VWA8: variants seen among roughly 807,000 people sequenced by gnomAD.
VWA8 encodes the protein von Willebrand factor A domain-containing protein 8.
VWA8 carries 221 observed loss-of-function variants against 241.5 expected under a neutral mutation model. The observed-to-expected ratio is 0.91, with a 90% CI of 0.82 to 1.02. The LOEUF (loss-of-function observed/expected upper bound fraction) is 1.02. Ranked by LOEUF, VWA8 falls within the 50% of genes least tolerant of loss-of-function variation. The pLI is 0.00. For synonymous variants in VWA8, 852 were observed against 827.1 expected, an observed-to-expected ratio of 1.03 and a Z score of -0.52; for missense variants, 2,322 against 2,328.7, an observed-to-expected ratio of 1.00 and a Z score of 0.06.
intron 12 of VWA8, among the ~76,000 whole-genome samples, chr13:41,833,751 TAA>T (rs1392067301): frequency 6.6e-6 from 1 of 152,144 alleles, no homozygotes. Context: ...CATAATATAG[TAA>T]GAGTGAGAGG....
intron 17 of VWA8, among the ~76,000 whole-genome samples, chr13:41,803,550 CT>C (rs1870053623): frequency 6.6e-6 from 1 of 152,154 alleles, no homozygotes; most frequent in South Asian, 2.1e-4. Flanking sequence ...TGCAGGGAAA[CT>C]CCCCTTTATA....
chr13:41,642,758 A>G (rs943839126), intron 37 of VWA8, among the ~76,000 whole-genome samples: 28 of 150,370 alleles, frequency 1.9e-4, no homozygotes, highest in East Asian at 1.4e-3. Flanking sequence ...GTGAAACCCC[A>G]TCTCTACTAA....
chr13:41,701,321 G>A, intron 28 of VWA8, 71 bp downstream of exon 28: 1 of 1,466,838 alleles, frequency 6.8e-7, no homozygotes, highest in South Asian at 1.5e-5. Context: ...TTGATGTCTA[G>A]AGATTATTTT....
At chr13:41,575,034 G>A (rs2044341815) in intron 43 of VWA8, among the ~76,000 whole-genome samples, 1 of 152,128 alleles carries the variant, frequency 6.6e-6, no homozygotes, top group South Asian at 2.1e-4. Flanking sequence ...ATCAACCAAT[G>A]AGTGATAAAG....
chr13:41,738,244 G>C (rs1370543852), intron 21 of VWA8, among the ~76,000 whole-genome samples: 1 of 152,082 alleles, frequency 6.6e-6, no homozygotes, highest in African/African-American at 2.4e-5. Context: ...TGTTTATTTA[G>C]TAGTCAATCA....
At chr13:41,786,021 C>CA (rs1339656961) in intron 18 of VWA8, among the ~76,000 whole-genome samples, 2 of 152,076 alleles carry the variant, frequency 1.3e-5, no homozygotes, top group East Asian at 3.9e-4. Context: ...GAAATGCACT[C>CA]AGAGAATGGT....
intron 2 of VWA8, among the ~76,000 whole-genome samples, chr13:41,928,483 C>G (rs1876951147): frequency 6.6e-6 from 1 of 152,022 alleles, no homozygotes; most frequent in Non-Finnish European, 1.5e-5. Flanking sequence ...AATGAAACAA[C>G]ATGCTCTTGA....
intron 39 of VWA8, among the ~76,000 whole-genome samples, chr13:41,611,255 G>A (rs1395130645): frequency 6.6e-6 from 1 of 152,078 alleles, no homozygotes; most frequent in Non-Finnish European, 1.5e-5. Context: ...TCCTGTCTCC[G>A]CACTAATCTG....
intron 2 of VWA8, among the ~76,000 whole-genome samples, chr13:41,925,421 A>G (rs368897755): frequency 1.3e-5 from 2 of 152,252 alleles, no homozygotes; most frequent in Non-Finnish European, 2.9e-5. Flanking sequence ...TTAAAAGTCA[A>G]TTCAGTCAAA....
chr13:41,878,619 A>G (rs1182014747), intron 9 of VWA8, among the ~76,000 whole-genome samples: 1 of 152,156 alleles, frequency 6.6e-6, no homozygotes, highest in Non-Finnish European at 1.5e-5. Flanking sequence ...TTAAGGTGAG[A>G]AGACAGCCAT....
intron 12 of VWA8, among the ~76,000 whole-genome samples, chr13:41,839,809 C>T (rs528248095): frequency 1.3e-5 from 2 of 152,284 alleles, no homozygotes; most frequent in South Asian, 2.1e-4. Flanking sequence ...TAGCATGATG[C>T]CTCCAGCTTT....
At chr13:41,846,013 G>A (rs1872274411) in intron 12 of VWA8, among the ~76,000 whole-genome samples, 1 of 150,926 alleles carries the variant, frequency 6.6e-6, no homozygotes, top group Admixed American at 6.6e-5. Context: ...TTAAATATCT[G>A]CAATAATATT....
At chr13:41,958,913 A>G (rs1878464305) in intron 1 of VWA8, among the ~76,000 whole-genome samples, 1 of 152,216 alleles carries the variant, frequency 6.6e-6, no homozygotes, top group Non-Finnish European at 1.5e-5. Flanking sequence ...ATCTACCAAT[A>G]CGTATATAAT....
intron 37 of VWA8, among the ~76,000 whole-genome samples, chr13:41,657,621 C>G (rs1327145014): frequency 6.6e-6 from 1 of 151,932 alleles, no homozygotes; most frequent in African/African-American, 2.4e-5. Context: ...TCCCGAGTAG[C>G]TGGGACTACA....
intron 20 of VWA8, among the ~76,000 whole-genome samples, chr13:41,766,877 A>G (rs1178463702): frequency 6.6e-6 from 1 of 152,188 alleles, no homozygotes; most frequent in East Asian, 1.9e-4. Flanking sequence ...CATGGAGTCA[A>G]AGATCAGTCA....
At chr13:41,915,558 A>AT (rs1330917450) in intron 2 of VWA8, among the ~76,000 whole-genome samples, 2 of 152,152 alleles carry the variant, frequency 1.3e-5, no homozygotes, top group Non-Finnish European at 2.9e-5. Context: ...TGTAGTCATT[A>AT]TTTTTTCTCA....
intron 40 of VWA8, among the ~76,000 whole-genome samples, chr13:41,595,284 A>G (rs181576233): frequency 3.9e-5 from 6 of 152,250 alleles, no homozygotes. Context: ...GACTGTTTCC[A>G]TTACATATGC....
chr13:41,670,685 G>A (rs761031464), intron 37 of VWA8, among the ~76,000 whole-genome samples: 1 of 152,118 alleles, frequency 6.6e-6, no homozygotes, highest in Non-Finnish European at 1.5e-5. Flanking sequence ...AAAACTAAAA[G>A]CTGCTGATTG....
intron 9 of VWA8, among the ~76,000 whole-genome samples, chr13:41,876,621 G>A (rs1341353549): frequency 6.6e-6 from 1 of 151,990 alleles, no homozygotes; most frequent in Non-Finnish European, 1.5e-5. Context: ...TGAAAAATAA[G>A]CTCCACGAAG....
Sources: allele counts gnomAD v4.1 joint callset (sites outside exome capture counted in the v4.1 genomes callset), GRCh38; gene constraint gnomAD v4.1.1; transcripts MANE v1.5; gene names NCBI Gene and HGNC (gene_info 2026-07-23, HGNC 2026-07-21).